Variants in CTNND2 observed in about 807,000 individuals in gnomAD.
CTNND2 encodes the protein catenin delta 2, also known as catenin delta-2.
A neutral mutation model predicts 144.4 loss-of-function variants in CTNND2; 22 were observed. The observed-to-expected ratio is 0.15, with a 90% CI of 0.11 to 0.22. The LOEUF (loss-of-function observed/expected upper bound fraction) is 0.22. Among genes scored for constraint, CTNND2 ranks in the 10% least tolerant of loss-of-function variants. The pLI is 1.00. For missense variants in CTNND2, 1,353 were observed against 1,618.8 expected, an observed-to-expected ratio of 0.84 and a Z score of 2.82; for synonymous variants, 751 against 695.6, an observed-to-expected ratio of 1.08 and a Z score of -1.25.
At chr5:11,097,253 A>G (rs1369537439) in intron 15 of CTNND2, among the ~76,000 whole-genome samples, 2 of 152,154 alleles carry the variant, frequency 1.3e-5, no homozygotes, top group Non-Finnish European at 1.5e-5. Flanking sequence ...TCATTCCAGG[A>G]AGTGATTTCC....
At position 11,605,853 on chromosome 5, in the gene CTNND2, T is replaced by C. The variant is rs544025321; in HGVS notation, c.175-40797A>G. Among the ~76,000 whole-genome samples the C allele has an allele frequency of 3.3e-5, 5 of 152,302 alleles. No individual in the cohort carries two copies. In the South Asian group the frequency reaches 1.0e-3, roughly 32 times the overall value. On this transcript the variant is annotated intron_variant, in intron 2 of 21. Coordinates refer to ENST00000304623, the MANE Select transcript of CTNND2 (RefSeq NM_001332.4). Reference sequence around the variant, plus strand: ...TAAAGATGTCCCCCGCCCAAGTCCCTGGTCCTGTAATTACTCAGTCAAACA... The same window carrying C: ...TAAAGATGTCCCCCGCCCAAGTCCCCGGTCCTGTAATTACTCAGTCAAACA...
At chr5:11,460,274 T>C (rs1368194132) in intron 3 of CTNND2, among the ~76,000 whole-genome samples, 1 of 152,196 alleles carries the variant, frequency 6.6e-6, no homozygotes, top group Non-Finnish European at 1.5e-5. Flanking sequence ...AGGAAAAATT[T>C]ATCCAAGAAC....
intron 3 of CTNND2, among the ~76,000 whole-genome samples, chr5:11,524,308 C>T (rs1773020033): frequency 6.6e-6 from 1 of 152,158 alleles, no homozygotes; most frequent in African/African-American, 2.4e-5. Flanking sequence ...CTTATGACGC[C>T]CTGACTCAAA....
chr5:11,756,612 C>T (rs1329854881), intron 1 of CTNND2, among the ~76,000 whole-genome samples: 2 of 143,656 alleles, frequency 1.4e-5, no homozygotes, highest in Non-Finnish European at 3.0e-5. Context: ...ATAAATACAT[C>T]CACATCCACA....
chr5:11,661,796 T>C (rs940222520), intron 2 of CTNND2, among the ~76,000 whole-genome samples: 2 of 152,108 alleles, frequency 1.3e-5, no homozygotes, highest in Admixed American at 1.3e-4. Flanking sequence ...TTTATGTCTT[T>C]CTTGGTTTTA....
intron 12 of CTNND2, among the ~76,000 whole-genome samples, chr5:11,120,232 G>C (rs1394657832): frequency 6.6e-6 from 1 of 152,208 alleles, no homozygotes; most frequent in Non-Finnish European, 1.5e-5. Context: ...CTATGATATA[G>C]ACTTCAAGAG....
chr5:11,056,831 C>T (rs1485068259), intron 16 of CTNND2, among the ~76,000 whole-genome samples: 1 of 152,214 alleles, frequency 6.6e-6, no homozygotes, highest in Non-Finnish European at 1.5e-5. Context: ...TCAGCCTGGG[C>T]TGTGTATCAG....
At chr5:11,182,908 G>A (rs1018233611) in intron 11 of CTNND2, among the ~76,000 whole-genome samples, 7 of 152,210 alleles carry the variant, frequency 4.6e-5, no homozygotes, top group Non-Finnish European at 7.3e-5. Flanking sequence ...CCCCCTGGAG[G>A]TAAAGGGAAT....
intron 10 of CTNND2, among the ~76,000 whole-genome samples, chr5:11,233,413 G>A (rs560586491): frequency 3.3e-5 from 5 of 152,124 alleles, no homozygotes; most frequent in Non-Finnish European, 7.4e-5. Context: ...TCTGCCCTTC[G>A]TTCAATGGCC....
intron 3 of CTNND2, among the ~76,000 whole-genome samples, chr5:11,422,761 T>A (rs1762474048): frequency 6.6e-6 from 1 of 152,232 alleles, no homozygotes; most frequent in African/African-American, 2.4e-5. Flanking sequence ...AGCCAAGCTG[T>A]CACTGTGGGA....
chr5:11,166,514 G>T (rs1370407717), intron 11 of CTNND2, among the ~76,000 whole-genome samples: 1 of 151,176 alleles, frequency 6.6e-6, no homozygotes, highest in African/African-American at 2.4e-5. Flanking sequence ...CTCCCAAAGT[G>T]CTGGGATTAC....
intron 2 of CTNND2, among the ~76,000 whole-genome samples, chr5:11,568,885 A>T (rs1199203426): frequency 6.6e-6 from 1 of 152,222 alleles, no homozygotes; most frequent in Non-Finnish European, 1.5e-5. Flanking sequence ...TAACTGGAAA[A>T]TTAGAACTAT....
At chr5:11,659,363 C>A (rs1315135847) in intron 2 of CTNND2, among the ~76,000 whole-genome samples, 3 of 152,010 alleles carry the variant, frequency 2.0e-5, no homozygotes, top group African/African-American at 7.2e-5. Flanking sequence ...TCCTCAAATA[C>A]CAAGGGCGTA....
chr5:11,313,097 G>T (rs1281223464), intron 9 of CTNND2, among the ~76,000 whole-genome samples: 1 of 152,186 alleles, frequency 6.6e-6, no homozygotes, highest in Non-Finnish European at 1.5e-5. Flanking sequence ...CAGAGCTTCT[G>T]TGTGTTTGGA....
chr5:11,575,223 T>G (rs1276487231), intron 2 of CTNND2, among the ~76,000 whole-genome samples: 1 of 152,184 alleles, frequency 6.6e-6, no homozygotes, highest in Non-Finnish European at 1.5e-5. Context: ...CATTATCACC[T>G]TCTTCTCATC....
At chr5:11,547,224 CGCCACCGCACT>C (rs1035947472) in intron 3 of CTNND2, among the ~76,000 whole-genome samples, 4 of 150,868 alleles carry the variant, frequency 2.7e-5, no homozygotes, top group Non-Finnish European at 4.4e-5. Flanking sequence ...GCCAAGATCA[CGCCACCGCACT>C]CTGGCCTGGG....
intron 12 of CTNND2, among the ~76,000 whole-genome samples, chr5:11,146,104 A>C (rs1372796410): frequency 6.6e-6 from 1 of 151,826 alleles, no homozygotes; most frequent in Non-Finnish European, 1.5e-5. Context: ...TATCCCCATG[A>C]TGCACCACAG....
At chr5:11,618,719 G>C (rs1232199296) in intron 2 of CTNND2, among the ~76,000 whole-genome samples, 1 of 152,048 alleles carries the variant, frequency 6.6e-6, no homozygotes, top group African/African-American at 2.4e-5. Context: ...TCACAGTCAT[G>C]TCACTTTATT....
intron 9 of CTNND2, among the ~76,000 whole-genome samples, chr5:11,305,836 C>A (rs991987506): frequency 6.6e-6 from 1 of 152,156 alleles, no homozygotes; most frequent in Admixed American, 6.5e-5. Flanking sequence ...TAGGGTTGGC[C>A]AAGTGAGAAA....
Sources: gnomAD v4.1 joint callset for allele counts (sites outside exome capture counted in the v4.1 genomes callset) on GRCh38, gnomAD v4.1.1 for gene constraint, MANE v1.5 for transcripts, NCBI Gene and HGNC (gene_info 2026-07-23, HGNC 2026-07-21) for gene names.